DPYD: variants seen among roughly 807,000 people sequenced by gnomAD.
DPYD encodes dihydropyrimidine dehydrogenase [NADP(+)].
Under a neutral mutation model 116.2 loss-of-function variants are expected in DPYD, and 109 were observed. The ratio of observed to expected loss-of-function variants is 0.94; its 90% confidence interval spans 0.80 to 1.10. The LOEUF (loss-of-function observed/expected upper bound fraction) is 1.10, where lower values mean the gene tolerates loss of function less well. Ranked by LOEUF, DPYD falls within the 50% of genes least tolerant of loss-of-function variation. The probability of loss-of-function intolerance (pLI) is 0.00; values close to 1 mark genes in which losing one functional copy is unlikely to be tolerated. For missense variants in DPYD, 1,302 were observed against 1,254.5 expected, an observed-to-expected ratio of 1.04 and a Z score of -0.57; for synonymous variants, 440 against 432.0, an observed-to-expected ratio of 1.02 and a Z score of -0.23.
chr1:97,680,963 A>G (rs1296297930), intron 7 of DPYD, among the ~76,000 whole-genome samples: 1 of 152,120 alleles, frequency 6.6e-6, no homozygotes, highest in Admixed American at 6.6e-5. Flanking sequence ...TGAAGGCAAA[A>G]TGTTCCTAAA....
chr1:97,557,346 C>T (rs538579544), intron 11 of DPYD, among the ~76,000 whole-genome samples: 7 of 142,824 alleles, frequency 4.9e-5, no homozygotes, highest in South Asian at 4.5e-4. Context: ...CTCACTCTGC[C>T]GCCCAGTCTG....
chr1:97,495,731 T>G (rs1208369208), intron 13 of DPYD, among the ~76,000 whole-genome samples: 1 of 152,076 alleles, frequency 6.6e-6, no homozygotes, highest in Non-Finnish European at 1.5e-5. Flanking sequence ...CTCAAGTTAT[T>G]TATATCAAGT....
intron 20 of DPYD, among the ~76,000 whole-genome samples, chr1:97,182,991 T>C (rs1413231): frequency 0.72 from 109,101 of 152,060 alleles, 40,394 homozygotes; most frequent in East Asian, 0.99. Context: ...CTTGAGTTTT[T>C]ATTTTCTTAA....
At chr1:97,920,173 TAGAG>T (rs1235362928) in intron 1 of DPYD, among the ~76,000 whole-genome samples, 4 of 152,196 alleles carry the variant, frequency 2.6e-5, no homozygotes, top group South Asian at 4.1e-4. Context: ...ATTAAGATAC[TAGAG>T]AGAAAGGAAA....
At chr1:97,193,877 C>A (rs905135300) in intron 19 of DPYD, among the ~76,000 whole-genome samples, 1 of 152,204 alleles carries the variant, frequency 6.6e-6, no homozygotes, top group Non-Finnish European at 1.5e-5. Flanking sequence ...CTTTTCCACA[C>A]ATGGCTAACT....
intron 21 of DPYD, among the ~76,000 whole-genome samples, chr1:97,084,958 T>C (rs1252945308): frequency 6.6e-6 from 1 of 152,142 alleles, no homozygotes; most frequent in African/African-American, 2.4e-5. Flanking sequence ...ACTAAACCTA[T>C]AATATGGTAG....
chr1:97,380,317 A>G (rs950963719), intron 15 of DPYD, among the ~76,000 whole-genome samples: 1 of 152,186 alleles, frequency 6.6e-6, no homozygotes, highest in African/African-American at 2.4e-5. Context: ...GTTCCAGAAA[A>G]GCAAGAGAGC....
intron 8 of DPYD, among the ~76,000 whole-genome samples, chr1:97,674,804 ATTTC>A (rs775888612): frequency 1.3e-5 from 2 of 152,134 alleles, no homozygotes; most frequent in Non-Finnish European, 2.9e-5. Context: ...ACGAATTCAG[ATTTC>A]TTTATTGTTT....
chr1:97,301,221 C>A (rs1666841869), intron 18 of DPYD, among the ~76,000 whole-genome samples: 1 of 151,854 alleles, frequency 6.6e-6, no homozygotes, highest in Non-Finnish European at 1.5e-5. Context: ...TCTTAAAAGC[C>A]ATCTTTTATG....
chr1:97,369,868 T>C (rs924351183), intron 16 of DPYD, among the ~76,000 whole-genome samples: 1 of 152,190 alleles, frequency 6.6e-6, no homozygotes, highest in Non-Finnish European at 1.5e-5. Flanking sequence ...AGATTCTCAT[T>C]CATCAAAGTA....
intron 18 of DPYD, among the ~76,000 whole-genome samples, chr1:97,260,541 G>A (rs893681659): frequency 2.0e-5 from 3 of 151,962 alleles, no homozygotes; most frequent in Non-Finnish European, 4.4e-5. Context: ...TGTTGTATAA[G>A]TATACAATTG....
At chr1:97,179,580 C>G (rs1438021303) in intron 20 of DPYD, among the ~76,000 whole-genome samples, 2 of 152,150 alleles carry the variant, frequency 1.3e-5, no homozygotes, top group African/African-American at 2.4e-5. Context: ...AAACAATCCA[C>G]AGCAGACTGG....
intron 13 of DPYD, among the ~76,000 whole-genome samples, chr1:97,512,354 G>A (rs1020459187): frequency 2.0e-5 from 3 of 151,778 alleles, no homozygotes; most frequent in Non-Finnish European, 2.9e-5. Flanking sequence ...CTATTCATTT[G>A]AGATATTTTC....
intron 1 of DPYD, among the ~76,000 whole-genome samples, chr1:97,893,427 C>A (rs1170588826): frequency 8.5e-5 from 2 of 23,666 alleles, no homozygotes; most frequent in African/African-American, 4.2e-4. Context: ...TAATATCCAT[C>A]GCATATATAT....
At chr1:97,857,728 C>G (rs1449350478) in intron 2 of DPYD, among the ~76,000 whole-genome samples, 1 of 152,134 alleles carries the variant, frequency 6.6e-6, no homozygotes, top group South Asian at 2.1e-4. Flanking sequence ...GTCCTGTGAG[C>G]TGCTTCAACA....
intron 19 of DPYD, among the ~76,000 whole-genome samples, chr1:97,228,137 CTT>C (rs1457788757): frequency 6.7e-6 from 1 of 149,012 alleles, no homozygotes; most frequent in African/African-American, 2.5e-5. Context: ...AGGTAACAGA[CTT>C]TAGTTGTTTT....
intron 18 of DPYD, among the ~76,000 whole-genome samples, chr1:97,248,002 T>A (rs1662838469): frequency 1.3e-5 from 2 of 152,190 alleles, no homozygotes; most frequent in Non-Finnish European, 2.9e-5. Flanking sequence ...CAATCTCAAC[T>A]CATTTTATAA....
At chr1:97,443,679 A>G (rs1675925058) in intron 14 of DPYD, among the ~76,000 whole-genome samples, 1 of 152,258 alleles carries the variant, frequency 6.6e-6, no homozygotes, top group Non-Finnish European at 1.5e-5. Context: ...GATAAGTAAC[A>G]AAAGTAATTA....
At chr1:97,779,019 C>T (rs2101199220) in intron 3 of DPYD, among the ~76,000 whole-genome samples, 1 of 152,050 alleles carries the variant, frequency 6.6e-6, no homozygotes, top group South Asian at 2.1e-4. Flanking sequence ...AGGAATATAG[C>T]CATAATGTCT....
Sources: gnomAD v4.1 joint callset for allele counts (sites outside exome capture counted in the v4.1 genomes callset) on GRCh38, gnomAD v4.1.1 for gene constraint, MANE v1.5 for transcripts, NCBI Gene and HGNC (gene_info 2026-07-23, HGNC 2026-07-21) for gene names.